KCND3: variants seen among roughly 807,000 people sequenced by gnomAD.
KCND3 encodes the protein potassium voltage-gated channel subfamily D member 3.
KCND3 carries 9 observed loss-of-function variants against 51.1 expected under a neutral mutation model. The observed-to-expected ratio is 0.18, with a 90% CI of 0.11 to 0.31. The LOEUF (loss-of-function observed/expected upper bound fraction) is 0.31. KCND3 is among the 10% of genes least tolerant of loss of function. The probability of loss-of-function intolerance (pLI) is 1.00; values close to 1 mark genes in which losing one functional copy is unlikely to be tolerated. For missense variants in KCND3, 526 were observed against 903.8 expected, an observed-to-expected ratio of 0.58 and a Z score of 5.36; for synonymous variants, 349 against 368.0, an observed-to-expected ratio of 0.95 and a Z score of 0.59.
chr1:111,787,699 T>A (rs998026308), intron 2 of KCND3, among the ~76,000 whole-genome samples: 1 of 151,232 alleles, frequency 6.6e-6, no homozygotes, highest in Non-Finnish European at 1.5e-5. Flanking sequence ...CCATGAGGAG[T>A]TTTAAGCAAA....
chr1:111,933,019 T>C (rs150734701), intron 2 of KCND3, among the ~76,000 whole-genome samples: 1,799 of 152,280 alleles, frequency 0.012, 34 homozygotes, highest in African/African-American at 0.041. Flanking sequence ...ATAATCCCCA[T>C]GTGTCAAGGG....
chr1:111,865,039 A>C (rs137900955), intron 2 of KCND3, among the ~76,000 whole-genome samples: 44 of 152,314 alleles, frequency 2.9e-4, no homozygotes, highest in African/African-American at 1.0e-3. Context: ...ACATTCGGCA[A>C]CCCAATCTTC....
chr1:111,776,023 C>G lies in KCND3; in HGVS notation c.*54G>C, dbSNP rs1664087365. The stretch of plus-strand genomic sequence containing the variant: ...AGTGGTCTCAGTGACCACCCACCAA[C>G]ATGCCAGTCCCCTTCATTCCCCACT... On this transcript the variant is annotated 3_prime_UTR_variant, in exon 8 of 8. Transcript: ENST00000302127. 1 of 1,593,978 alleles carries G rather than the reference C, an allele frequency of 6.3e-7. No homozygotes were observed. The highest frequency in any genetic ancestry group is 1.7e-5 in the Admixed American group (1 of 59,946).
chr1:111,909,399 C>T (rs1670817109), intron 2 of KCND3: 1 of 152,136 alleles, frequency 6.6e-6, no homozygotes, highest in Admixed American at 6.5e-5. Context: ...TAATCTCGGC[C>T]AAGGGATCGA....
intron 2 of KCND3, among the ~76,000 whole-genome samples, chr1:111,808,851 A>G (rs1469051040): frequency 6.6e-6 from 1 of 152,246 alleles, no homozygotes; most frequent in Non-Finnish European, 1.5e-5. Context: ...GACTTGGAGA[A>G]CCAAGATGTG....
intron 2 of KCND3, among the ~76,000 whole-genome samples, chr1:111,796,762 G>A (rs1557942225): frequency 6.6e-6 from 1 of 152,182 alleles, no homozygotes; most frequent in Non-Finnish European, 1.5e-5. Context: ...ACAGCCTTGA[G>A]ACAATGGAGA....
chr1:111,802,565 G>A (rs1369020475), intron 2 of KCND3, among the ~76,000 whole-genome samples: 2 of 152,188 alleles, frequency 1.3e-5, no homozygotes, highest in Non-Finnish European at 2.9e-5. Flanking sequence ...TACAGGGAAT[G>A]GTTAATATGC....
chr1:111,904,697 G>C (rs1288326272), intron 2 of KCND3, among the ~76,000 whole-genome samples: 2 of 152,176 alleles, frequency 1.3e-5, no homozygotes, highest in African/African-American at 2.4e-5. Context: ...GCTTGGTGGC[G>C]ACGGCAAGCT....
At chr1:111,955,645 A>G (rs1193062411) in intron 2 of KCND3, among the ~76,000 whole-genome samples, 2 of 152,212 alleles carry the variant, frequency 1.3e-5, no homozygotes, top group Non-Finnish European at 2.9e-5. Flanking sequence ...AATGATTTTC[A>G]TATCTTCAAT....
intron 2 of KCND3, among the ~76,000 whole-genome samples, chr1:111,930,709 T>C (rs1359630382): frequency 6.6e-6 from 1 of 151,618 alleles, no homozygotes; most frequent in Admixed American, 6.6e-5. Flanking sequence ...TGAATCATCA[T>C]GTAATTGAGT....
At chr1:111,809,652 T>A (rs1001681456) in intron 2 of KCND3, among the ~76,000 whole-genome samples, 1 of 123,148 alleles carries the variant, frequency 8.1e-6, no homozygotes, top group African/African-American at 3.7e-5. Flanking sequence ...ACATTTCCCG[T>A]GTGTGTGTGT....
intron 2 of KCND3, among the ~76,000 whole-genome samples, chr1:111,891,410 G>T (rs1357828373): frequency 6.6e-6 from 1 of 152,206 alleles, no homozygotes; most frequent in Non-Finnish European, 1.5e-5. Context: ...GTGCCAGCCT[G>T]AATGGTCCAT....
chr1:111,859,778 G>A (rs1200730326), intron 2 of KCND3, among the ~76,000 whole-genome samples: 1 of 152,132 alleles, frequency 6.6e-6, no homozygotes, highest in East Asian at 1.9e-4. Context: ...TATCGATCAA[G>A]CTTGTATCAT....
At chr1:111,854,805 G>A (rs1349041290) in intron 2 of KCND3, among the ~76,000 whole-genome samples, 2 of 152,216 alleles carry the variant, frequency 1.3e-5, no homozygotes, top group Non-Finnish European at 2.9e-5. Flanking sequence ...CACTGCCTGT[G>A]TTTCCCCACT....
At chr1:111,964,735 T>G (rs550631654) in intron 2 of KCND3, among the ~76,000 whole-genome samples, 3 of 152,234 alleles carry the variant, frequency 2.0e-5, no homozygotes, top group South Asian at 4.2e-4. Context: ...CTTTGCAAAG[T>G]TGGGAAAAGG....
chr1:111,826,476 C>G (rs1283505771), intron 2 of KCND3, among the ~76,000 whole-genome samples: 2 of 152,176 alleles, frequency 1.3e-5, no homozygotes, highest in African/African-American at 4.8e-5. Flanking sequence ...TGCTCTCATG[C>G]CACGTGCTCT....
chr1:111,978,682 G>C (rs1674776786), intron 2 of KCND3, among the ~76,000 whole-genome samples: 1 of 152,182 alleles, frequency 6.6e-6, no homozygotes, highest in African/African-American at 2.4e-5. Flanking sequence ...TCCCTCCTGG[G>C]GGACCAGGGC....
At chr1:111,955,158 C>T (rs1298033045) in intron 2 of KCND3, among the ~76,000 whole-genome samples, 1 of 152,224 alleles carries the variant, frequency 6.6e-6, no homozygotes, top group Admixed American at 6.5e-5. Flanking sequence ...CCTGTAATCT[C>T]ACCACTTTGG....
At chr1:111,938,213 G>A (rs1210211176) in intron 2 of KCND3, among the ~76,000 whole-genome samples, 2 of 152,192 alleles carry the variant, frequency 1.3e-5, no homozygotes, top group East Asian at 1.9e-4. Flanking sequence ...ACCAGGGAGG[G>A]GAAGTGACCT....
Sources: allele counts gnomAD v4.1 joint callset (sites outside exome capture counted in the v4.1 genomes callset), GRCh38; gene constraint gnomAD v4.1.1; transcripts MANE v1.5; gene names NCBI Gene and HGNC (gene_info 2026-07-23, HGNC 2026-07-21).